PRKN: variants seen among roughly 807,000 people sequenced by gnomAD.
PRKN encodes E3 ubiquitin-protein ligase parkin.
Under a neutral mutation model 59.5 loss-of-function variants are expected in PRKN, and 56 were observed. The ratio of observed to expected loss-of-function variants is 0.94; its 90% CI spans 0.76 to 1.18. PRKN has a LOEUF of 1.18. Ranked by LOEUF, PRKN falls within the 50% of genes most tolerant of loss-of-function variation. PRKN has a pLI of 0.00. For missense variants in PRKN, 657 were observed against 596.4 expected, an observed-to-expected ratio of 1.10 and a Z score of -1.06; for synonymous variants, 250 against 222.1, an observed-to-expected ratio of 1.13 and a Z score of -1.12.
chr6:161,543,580 C>T (rs979176162), intron 9 of PRKN, among the ~76,000 whole-genome samples: 25 of 152,292 alleles, frequency 1.6e-4, no homozygotes, highest in African/African-American at 5.5e-4. Context: ...AATTCTATCG[C>T]ATTTCCTTAA....
At chr6:162,222,249 C>T (rs1344188797) in intron 3 of PRKN, among the ~76,000 whole-genome samples, 1 of 151,928 alleles carries the variant, frequency 6.6e-6, no homozygotes, top group African/African-American at 2.4e-5. Flanking sequence ...TATTAAATAC[C>T]AAAGATAAAG....
At chr6:161,796,806 G>C (rs1035648772) in intron 6 of PRKN, among the ~76,000 whole-genome samples, 7 of 152,124 alleles carry the variant, frequency 4.6e-5, no homozygotes, top group Non-Finnish European at 7.4e-5. Context: ...GCTGTTATGT[G>C]GCACAACTAT....
intron 1 of PRKN, among the ~76,000 whole-genome samples, chr6:162,480,935 A>G (rs1187852643): frequency 6.6e-6 from 1 of 151,872 alleles, no homozygotes; most frequent in Non-Finnish European, 1.5e-5. Flanking sequence ...CCTCCTGAGT[A>G]CCTGGCACTA....
At chr6:162,572,006 C>T (rs1319047486) in intron 1 of PRKN, among the ~76,000 whole-genome samples, 1 of 152,074 alleles carries the variant, frequency 6.6e-6, no homozygotes, top group Non-Finnish European at 1.5e-5. Context: ...AACAGACATT[C>T]CAGATGCAAA....
At chr6:162,402,980 T>G (rs906117142) in intron 2 of PRKN, among the ~76,000 whole-genome samples, 18 of 152,072 alleles carry the variant, frequency 1.2e-4, no homozygotes, top group Non-Finnish European at 1.6e-4. Flanking sequence ...TATAGGGATA[T>G]CTGGCCAGTG....
intron 1 of PRKN, among the ~76,000 whole-genome samples, chr6:162,642,236 C>T (rs1202107980): frequency 6.6e-6 from 1 of 152,084 alleles, no homozygotes; most frequent in Non-Finnish European, 1.5e-5. Context: ...CACATACCTT[C>T]CTAAAGCCAC....
chr6:162,201,599 G>C (rs1784732623), intron 3 of PRKN, among the ~76,000 whole-genome samples: 1 of 152,152 alleles, frequency 6.6e-6, no homozygotes, highest in Non-Finnish European at 1.5e-5. Context: ...AATTCTTTCA[G>C]GATGCTCCTG....
chr6:162,270,661 C>T (rs1446430496), intron 2 of PRKN: 2 of 152,154 alleles, frequency 1.3e-5, no homozygotes, highest in African/African-American at 2.4e-5. Flanking sequence ...AATGATCAGA[C>T]TAATTTAAAA....
chr6:162,619,316 A>T (rs865851253), intron 1 of PRKN, among the ~76,000 whole-genome samples: 2,652 of 147,736 alleles, frequency 0.018, 74 homozygotes, highest in African/African-American at 0.063. Context: ...CTAATTTTTA[A>T]TTTTTTTTTT....
chr6:161,670,975 T>A (rs546180060), intron 7 of PRKN, among the ~76,000 whole-genome samples: 1 of 152,282 alleles, frequency 6.6e-6, no homozygotes, highest in East Asian at 1.9e-4. Context: ...AACATTATCT[T>A]TTTGGGGGAC....
intron 1 of PRKN, among the ~76,000 whole-genome samples, chr6:162,631,756 T>A (rs1208214818): frequency 6.6e-6 from 1 of 152,082 alleles, no homozygotes; most frequent in African/African-American, 2.4e-5. Context: ...AGCCAAAAAA[T>A]TTTTCCCAGA....
intron 7 of PRKN, among the ~76,000 whole-genome samples, chr6:161,610,540 C>A (rs1467623577): frequency 3.4e-5 from 5 of 145,874 alleles, no homozygotes; most frequent in African/African-American, 8.0e-5. Context: ...AATTTAAGAA[C>A]CTCTATGGAC....
intron 1 of PRKN, chr6:162,571,425 T>C (rs568081563): frequency 2.0e-5 from 3 of 151,514 alleles, no homozygotes; most frequent in Non-Finnish European, 4.4e-5. Context: ...TTAAAAAAGA[T>C]AATCTAGTGA....
intron 7 of PRKN, among the ~76,000 whole-genome samples, chr6:161,630,943 G>A (rs777926986): frequency 1.3e-5 from 2 of 152,232 alleles, no homozygotes; most frequent in African/African-American, 2.4e-5. Flanking sequence ...ATAGGATACA[G>A]ACAAAAACAA....
At chr6:162,399,412 G>C (rs531817210) in intron 2 of PRKN, among the ~76,000 whole-genome samples, 1 of 152,262 alleles carries the variant, frequency 6.6e-6, no homozygotes, top group South Asian at 2.1e-4. Flanking sequence ...ATGAGGCAGA[G>C]AGTAAGAAAG....
rs960913849 is a variant in PRKN at position 161,388,532 on chromosome 6, G to T, written c.1084-1655C>A. 1.2e-4 allele frequency among the ~76,000 whole-genome samples: 18 copies of T among 152,200 alleles called. No homozygotes were observed. Among genetic ancestry groups the T allele is most frequent in the Non-Finnish European group, 2.2e-4 (15 of 68,036 alleles). On this transcript the variant is annotated intron_variant, in intron 9 of 11. Transcript: ENST00000366898. This position sits in a 1 kb window ranked among gnomAD's most constrained non-coding sequence, Gnocchi z 4.3. ...ACAAGTATGGTGTGTGGATGATGGTGGTGGTCTTAGAGCATAGAGGCAAAC... is the reference window on the plus strand; with the variant it reads ...ACAAGTATGGTGTGTGGATGATGGTTGTGGTCTTAGAGCATAGAGGCAAAC...
chr6:162,464,063 G>C (rs996594524), intron 1 of PRKN, among the ~76,000 whole-genome samples: 1 of 152,130 alleles, frequency 6.6e-6, no homozygotes, highest in Non-Finnish European at 1.5e-5. Flanking sequence ...ATGAGGTGAC[G>C]TTTAAGCTTT....
intron 7 of PRKN, among the ~76,000 whole-genome samples, chr6:161,733,983 CACACACACACACACACACACACAT>C (rs1427751838): frequency 4.9e-5 from 7 of 142,894 alleles, no homozygotes; most frequent in African/African-American, 1.8e-4. Context: ...CACACACACA[CACACACACACACACACACACACAT>C]ATTTGCTAAT....
chr6:162,054,265 G>A, intron 4 of PRKN, 91 bp from the exon 5 acceptor site: 1 of 841,160 alleles, frequency 1.2e-6, no homozygotes, highest in South Asian at 1.4e-5. Flanking sequence ...TAAAATAATA[G>A]TGAAATTAGT....
Sources: gnomAD v4.1 joint callset for allele counts (sites outside exome capture counted in the v4.1 genomes callset) on GRCh38, gnomAD v4.1.1 for gene constraint, Gnocchi (gnomAD v3.1) non-coding constraint, MANE v1.5 for transcripts, NCBI Gene and HGNC (gene_info 2026-07-23, HGNC 2026-07-21) for gene names.